REPS2: variants seen among roughly 807,000 people sequenced by gnomAD.
The protein encoded by REPS2 is RALBP1 associated Eps domain containing 2, also known as ralBP1-associated Eps domain-containing protein 2.
Under a neutral mutation model 53.6 loss-of-function variants are expected in REPS2, and 23 were observed. That is an observed-to-expected ratio of 0.43 (90% CI 0.31 to 0.61). REPS2 has a LOEUF of 0.61. Ranked by LOEUF, REPS2 falls within the 20% of genes least tolerant of loss-of-function variation. The pLI, the probability that REPS2 is intolerant of heterozygous loss-of-function variation, is 0.11. For missense variants in REPS2, 446 were observed against 534.9 expected, an observed-to-expected ratio of 0.83 and a Z score of 1.64; for synonymous variants, 238 against 218.6, an observed-to-expected ratio of 1.09 and a Z score of -0.78.
chrX:17,001,353 C>T (rs373475600), intron 1 of REPS2, among the ~76,000 whole-genome samples: 1 of 112,343 alleles, frequency 8.9e-6, no homozygotes, highest in Admixed American at 9.4e-5. Context: ...ATTGTGTGCC[C>T]CTCACTGCTG....
chrX:17,099,327 C>T (rs1050954722), intron 13 of REPS2, among the ~76,000 whole-genome samples: 3 of 111,367 alleles, frequency 2.7e-5, no homozygotes, highest in Non-Finnish European at 5.6e-5. Context: ...TCCACCCTCC[C>T]CATTCCTCCC....
intron 14 of REPS2, among the ~76,000 whole-genome samples, chrX:17,117,436 C>T (rs1265784737): frequency 6.4e-5 from 7 of 110,132 alleles, no homozygotes; most frequent in Non-Finnish European, 1.1e-4. Context: ...TCCCCCACCC[C>T]ACAACAGTCC....
intron 13 of REPS2, among the ~76,000 whole-genome samples, chrX:17,102,330 C>T (rs1346818754): frequency 9.0e-6 from 1 of 111,726 alleles, no homozygotes; most frequent in Non-Finnish European, 1.9e-5. Context: ...GATCCGCCTA[C>T]CTTGGCCTCC....
chrX:17,163,631 T>C, the REPS2 span, among the ~76,000 whole-genome samples: 1 of 112,040 alleles, frequency 8.9e-6, no homozygotes, highest in Non-Finnish European at 1.9e-5. Flanking sequence ...TAAGAGGTGA[T>C]TTTTCACCAG....
chrX:16,968,429 C>T (rs1396122406), intron 1 of REPS2, among the ~76,000 whole-genome samples: 10 of 109,901 alleles, frequency 9.1e-5, no homozygotes, highest in Non-Finnish European at 1.3e-4. Flanking sequence ...CGGGCAGAGG[C>T]GCCCCTCACC....
intron 12 of REPS2, 93 bp from the exon 13 acceptor site, chrX:17,077,178 C>A: frequency 1.0e-6 from 1 of 963,895 alleles, no homozygotes; most frequent in Non-Finnish European, 1.4e-6. Context: ...TCTTTGTAGT[C>A]ACTTTGACTT....
At position 17,022,178 on chromosome X, in the gene REPS2, G is replaced by T; in HGVS notation, c.453G>T (p.Gly151=). The T allele has an allele frequency of 8.3e-7, 1 of 1,208,522 alleles. No individual in the cohort carries two copies. The highest frequency in any genetic ancestry group is 1.1e-6 in the Non-Finnish European group (1 of 892,842). The change falls in exon 3 of 18, where the codon GGG becomes GGT. Residue 151 remains glycine (G), a synonymous_variant. Coordinates refer to ENST00000357277, the MANE Select transcript of REPS2 (RefSeq NM_004726.3). ...MSKNDGEIRF[G]NPAELHGTKV... ...AGAATGATGGTGAGATACGATTTGGGAACCCAGCTGAGCTGCATGGAACTA... is the reference window on the plus strand; with the variant it reads ...AGAATGATGGTGAGATACGATTTGGTAACCCAGCTGAGCTGCATGGAACTA...
intron 8 of REPS2, among the ~76,000 whole-genome samples, chrX:17,058,747 G>T (rs1324993153): frequency 9.0e-6 from 1 of 110,788 alleles, no homozygotes; most frequent in East Asian, 2.8e-4. Context: ...AGGGCTTGTG[G>T]GATTAATCTT....
intron 1 of REPS2, among the ~76,000 whole-genome samples, chrX:16,970,472 A>G (rs1274596708): frequency 8.9e-6 from 1 of 112,387 alleles, no homozygotes; most frequent in Non-Finnish European, 1.9e-5. Flanking sequence ...TGCTGGGATT[A>G]TAGGCGTGAG....
At chrX:16,962,090 A>G (rs1285123488) in intron 1 of REPS2, among the ~76,000 whole-genome samples, 1 of 111,828 alleles carries the variant, frequency 8.9e-6, no homozygotes, top group Non-Finnish European at 1.9e-5. Flanking sequence ...GCCTCAAAAA[A>G]TTAAAAGTAG....
chrX:17,015,156 C>T (rs773339894), intron 2 of REPS2, among the ~76,000 whole-genome samples: 1 of 113,083 alleles, frequency 8.8e-6, no homozygotes, highest in African/African-American at 3.2e-5. Flanking sequence ...AAAGCATCTA[C>T]AACTTTGTTA....
At chrX:17,159,843 CCCT>C in the REPS2 span, among the ~76,000 whole-genome samples, 1 of 111,973 alleles carries the variant, frequency 8.9e-6, no homozygotes, top group Non-Finnish European at 1.9e-5. Flanking sequence ...GCCAAATTGA[CCCT>C]CCTCCTTTCC....
At position 17,072,478 on chromosome X, in the gene REPS2, G is replaced by A. The variant is rs756015740; in HGVS notation, c.1334-1636G>A. 3.6e-5 allele frequency among the ~76,000 whole-genome samples: 4 copies of A among 111,300 alleles called. No individual in the cohort carries two copies. The South Asian group carries it at 1.5e-3, about 42-fold the overall frequency. ...ACTCATCCACACCCTCACCCCATCTGTCTGTCTGTCTATCTCTTACCAGCA... is the reference window on the plus strand; with the variant it reads ...ACTCATCCACACCCTCACCCCATCTATCTGTCTGTCTATCTCTTACCAGCA... On this transcript the variant is annotated intron_variant, in intron 11 of 17. Transcript: ENST00000357277.
chrX:17,048,247 G>A (rs1415772612), intron 6 of REPS2, among the ~76,000 whole-genome samples: 1 of 112,487 alleles, frequency 8.9e-6, no homozygotes, highest in Non-Finnish European at 1.9e-5. Flanking sequence ...TGTGAAATGA[G>A]GCACATAATT....
At chrX:17,015,179 G>A (rs1335949298) in intron 2 of REPS2, among the ~76,000 whole-genome samples, 1 of 112,775 alleles carries the variant, frequency 8.9e-6, no homozygotes, top group Non-Finnish European at 1.9e-5. Context: ...TAATATCGTA[G>A]CCACTTGCCA....
At chrX:17,069,806 T>G in intron 10 of REPS2, 134 bp from the exon 11 acceptor site, 1 of 347,618 alleles carries the variant, frequency 2.9e-6, no homozygotes, top group Non-Finnish European at 4.9e-6. Context: ...TAGAGGTTTG[T>G]GAGACCTGTT....
chrX:17,130,343 C>T (rs779664228), intron 14 of REPS2, among the ~76,000 whole-genome samples: 2 of 111,870 alleles, frequency 1.8e-5, no homozygotes, highest in Admixed American at 1.9e-4. Flanking sequence ...TGTTTCCCAT[C>T]TTGGGGATTG....
At chrX:17,110,510 C>A (rs1239828878) in intron 14 of REPS2, among the ~76,000 whole-genome samples, 1 of 102,923 alleles carries the variant, frequency 9.7e-6, no homozygotes, top group Non-Finnish European at 2.0e-5. Flanking sequence ...CATGGTGAAA[C>A]CTCATCTCTA....
In REPS2 at chrX:16,969,618, C is replaced by G. The variant is rs187430735; in HGVS notation, c.273+22484C>G. Among the ~76,000 whole-genome samples the G allele has an allele frequency of 5.4e-5, 5 of 91,752 alleles. No individual in the cohort carries two copies. In the East Asian group the frequency reaches 1.4e-3, roughly 26 times the overall value. The allele number at this position is 91,752 out of a possible 115,157, so 79.7% of individuals were successfully genotyped here. A position where few individuals can be genotyped will look rare whatever the true frequency, so the allele number is the denominator to read the frequency against. On this transcript the variant is annotated intron_variant, in intron 1 of 17. Transcript: ENST00000357277. ...GCGCGCGCCTGCAATTGCAGGCACTCGGCAGGCTGAGGCAGGAGAATCAGG... is the reference window on the plus strand; with the variant it reads ...GCGCGCGCCTGCAATTGCAGGCACTGGGCAGGCTGAGGCAGGAGAATCAGG...
Sources: allele counts gnomAD v4.1 joint callset (sites outside exome capture counted in the v4.1 genomes callset), GRCh38; gene constraint gnomAD v4.1.1; transcripts MANE v1.5; gene names NCBI Gene and HGNC (gene_info 2026-07-23, HGNC 2026-07-21).